TULP4: variants seen among roughly 807,000 people sequenced by gnomAD.
TULP4 encodes the protein TUB like protein 4.
A neutral mutation model predicts 129.0 loss-of-function variants in TULP4; 16 were observed. That is an observed-to-expected ratio of 0.12 (90% confidence interval 0.08 to 0.19). The LOEUF is 0.19. Ranked by LOEUF, TULP4 falls within the 10% of genes least tolerant of loss-of-function variation. The pLI is 1.00. For missense variants in TULP4, 1,842 were observed against 2,059.1 expected (o/e 0.89, Z 2.04); for synonymous variants, 998 against 854.0 (o/e 1.17, Z -2.94).
Position 158,503,118 on chromosome 6 carries a change from C to T in TULP4, c.3455C>T (p.Ser1152Phe). Residue 1152 changes from serine to phenylalanine, a missense_variant, in exon 13 of 14, where the codon TCT (serine) becomes TTT (phenylalanine). Around this residue, in one of 5 missense-constraint regions of TULP4, gnomAD observed 1,089 missense variants for 987.1 expected, o/e 1.10. Coordinates refer to ENST00000367097, the MANE Select transcript of TULP4 (RefSeq NM_020245.5). The surrounding 1 kb of genome is among the most constrained non-coding windows in gnomAD (Gnocchi z 4.3). ...TSGPNPLKLS[S>F]LMLSQGQHLD... ...GGGCCCAACCCCTTAAAACTGTCCTCTCTGATGCTGAGTCAGGGCCAGCAC... is the reference window on the plus strand; with the variant it reads ...GGGCCCAACCCCTTAAAACTGTCCTTTCTGATGCTGAGTCAGGGCCAGCAC... The T allele has an allele frequency of 6.2e-7, 1 of 1,614,044 alleles. No individual in the cohort carries two copies. The highest frequency in any genetic ancestry group is 8.5e-7 in the Non-Finnish European group (1 of 1,179,914).
chr6:158,274,257 C>CA (rs777882554), intron 1 of TULP4, among the ~76,000 whole-genome samples: 1 of 151,512 alleles, frequency 6.6e-6, no homozygotes, highest in Admixed American at 6.6e-5. Flanking sequence ...GAGTCTTTCT[C>CA]AAAAAAACAA....
chr6:158,498,531 C>A, intron 11 of TULP4, 138 bp from the exon 12 acceptor site: 1 of 1,037,056 alleles, frequency 9.6e-7, no homozygotes, highest in Non-Finnish European at 1.4e-6. Flanking sequence ...CTCCTCTCAG[C>A]CTCTGGGCCC....
At chr6:158,454,018 A>ACACC in intron 5 of TULP4, among the ~76,000 whole-genome samples, 1 of 114,656 alleles carries the variant, frequency 8.7e-6, no homozygotes, top group South Asian at 2.9e-4. Flanking sequence ...CTGCCTCTGC[A>ACACC]CCGCCCCCCC....
At chr6:158,363,643 C>T (rs374573275) in intron 1 of TULP4, among the ~76,000 whole-genome samples, 13 of 152,128 alleles carry the variant, frequency 8.5e-5, no homozygotes, top group African/African-American at 2.4e-4. Context: ...ATCACTACGC[C>T]GGGCTATTTT....
chr6:158,350,051 A>T (rs1780468043), intron 1 of TULP4, among the ~76,000 whole-genome samples: 1 of 141,644 alleles, frequency 7.1e-6, no homozygotes, highest in South Asian at 2.3e-4. Context: ...ACTTCCTCCC[A>T]GACGGGGCAG....
At chr6:158,350,264 C>T (rs1179223708) in intron 1 of TULP4, among the ~76,000 whole-genome samples, 8 of 4,532 alleles carry the variant, frequency 1.8e-3, no homozygotes, top group Admixed American at 0.014. Context: ...GGCAGAGGGG[C>T]TCCTCACATC....
intron 1 of TULP4, among the ~76,000 whole-genome samples, chr6:158,289,676 G>A (rs1778897213): frequency 6.6e-6 from 1 of 152,114 alleles, no homozygotes; most frequent in African/African-American, 2.4e-5. Flanking sequence ...GACCTCCTGG[G>A]CTCAAGTGAT....
intron 6 of TULP4, among the ~76,000 whole-genome samples, chr6:158,470,339 G>C (rs1779650866): frequency 6.6e-6 from 1 of 152,230 alleles, no homozygotes; most frequent in South Asian, 2.1e-4. Context: ...TTAATAGAGT[G>C]AAATAGAGTG....
At chr6:158,465,022 G>T (rs534573488) in intron 6 of TULP4, among the ~76,000 whole-genome samples, 1 of 152,170 alleles carries the variant, frequency 6.6e-6, no homozygotes, top group African/African-American at 2.4e-5. Context: ...TTGGAATTTG[G>T]TATCTTATTG....
intron 1 of TULP4, chr6:158,237,989 T>A: frequency 1.4e-6 from 1 of 724,806 alleles, no homozygotes; most frequent in Admixed American, 1.8e-5. Flanking sequence ...GCTTCTTTTA[T>A]CAAGGACAAA....
At chr6:158,270,330 C>T (rs567132323) in intron 1 of TULP4, among the ~76,000 whole-genome samples, 16 of 152,306 alleles carry the variant, frequency 1.1e-4, no homozygotes, top group Admixed American at 8.5e-4. Context: ...TGCCAGGGAC[C>T]GGTCATTCCA....
chr6:158,264,943 A>G (rs1344923106), intron 1 of TULP4, among the ~76,000 whole-genome samples: 3 of 152,242 alleles, frequency 2.0e-5, no homozygotes, highest in Non-Finnish European at 2.9e-5. Context: ...TAGAAGTACT[A>G]AGGTAAAAGC....
chr6:158,241,217 C>T (rs930479410), intron 1 of TULP4, among the ~76,000 whole-genome samples: 2 of 128,130 alleles, frequency 1.6e-5, no homozygotes, highest in African/African-American at 5.3e-5. Context: ...CTCCTCACTT[C>T]CTAGATGGGA....
rs1583668249 is a variant in TULP4 at position 158,241,822 on chromosome 6, T to C, written n.68+9519T>C. On this transcript the variant is annotated intron_variant and non_coding_transcript_variant, in intron 1 of 1. Coordinates refer to the TULP4 transcript ENST00000620026. Reference sequence around the variant, plus strand: ...ATTGGCCAGGCTGGTCTCGAACTCCTGACCTTGTGATCTGCCTGCCTCCGC... The same window carrying C: ...ATTGGCCAGGCTGGTCTCGAACTCCCGACCTTGTGATCTGCCTGCCTCCGC... The C allele has an allele frequency of 5.2e-6, 3 of 573,552 alleles. No individual in the cohort carries two copies. The Admixed American group carries it at 7.7e-5, about 15-fold the overall frequency. 35.5% of individuals were successfully genotyped at this position (573,552 alleles called of 1,614,324 possible).
intron 1 of TULP4, among the ~76,000 whole-genome samples, chr6:158,354,471 GTCT>G (rs1373312718): frequency 2.0e-5 from 3 of 152,152 alleles, no homozygotes; most frequent in Admixed American, 2.0e-4. Flanking sequence ...GCAAACATCT[GTCT>G]TCTTGTAGAT....
At chr6:158,501,340 G>T (rs955726716) in intron 12 of TULP4, among the ~76,000 whole-genome samples, 1 of 152,102 alleles carries the variant, frequency 6.6e-6, no homozygotes, top group African/African-American at 2.4e-5. Context: ...AAAAGGGTGG[G>T]TATTTTATGA....
intron 3 of TULP4, among the ~76,000 whole-genome samples, chr6:158,435,698 G>A (rs1200381501): frequency 2.0e-5 from 3 of 151,970 alleles, no homozygotes; most frequent in African/African-American, 7.2e-5. Flanking sequence ...TTCACACTGC[G>A]ACACCATCAC....
chr6:158,253,718 C>T (rs1381202667), intron 1 of TULP4, among the ~76,000 whole-genome samples: 2 of 152,138 alleles, frequency 1.3e-5, no homozygotes, highest in African/African-American at 4.8e-5. Context: ...CTACAGAACG[C>T]CACTGCCCTA....
intron 1 of TULP4, among the ~76,000 whole-genome samples, chr6:158,252,320 TTC>T (rs1426122752): frequency 1.4e-5 from 2 of 144,908 alleles, no homozygotes; most frequent in East Asian, 1.9e-4. Context: ...AGAATGTTTT[TTC>T]TTTTTTTTTT....
Sources: gnomAD v4.1 joint callset for allele counts (sites outside exome capture counted in the v4.1 genomes callset) on GRCh38, gnomAD v4.1.1 for gene constraint, gnomAD v4.1.1 regional missense constraint, Gnocchi (gnomAD v3.1) non-coding constraint, MANE v1.5 for transcripts, NCBI Gene and HGNC (gene_info 2026-07-23, HGNC 2026-07-21) for gene names.